Variants in ADAMTSL1 observed in about 807,000 individuals in gnomAD.
ADAMTSL1 encodes ADAMTS like 1.
Under a neutral mutation model 201.8 loss-of-function variants are expected in ADAMTSL1, and 126 were observed. That is an observed-to-expected ratio of 0.62 (90% CI 0.54 to 0.72). ADAMTSL1 has a LOEUF of 0.72. Among genes scored for constraint, ADAMTSL1 ranks in the 30% least tolerant of loss-of-function variants. The pLI is 0.00. For missense variants in ADAMTSL1, 2,679 were observed against 2,277.8 expected, an observed-to-expected ratio of 1.18 and a Z score of -3.59; for synonymous variants, 1,121 against 903.4, an observed-to-expected ratio of 1.24 and a Z score of -4.32.
intron 2 of ADAMTSL1, among the ~76,000 whole-genome samples, chr9:18,280,742 C>T (rs966010457): frequency 2.6e-5 from 4 of 152,240 alleles, no homozygotes; most frequent in Admixed American, 2.0e-4. Flanking sequence ...TGTCTTTTAA[C>T]CTTGTACCCT....
chr9:18,769,139 ATGT>A (rs781621278), intron 16 of ADAMTSL1, among the ~76,000 whole-genome samples: 6 of 152,292 alleles, frequency 3.9e-5, no homozygotes, highest in Admixed American at 1.3e-4. Context: ...GGCTGCAGCT[ATGT>A]TCTGACTGTA....
At chr9:18,306,000 C>G (rs1833894588) in intron 2 of ADAMTSL1, among the ~76,000 whole-genome samples, 1 of 152,120 alleles carries the variant, frequency 6.6e-6, no homozygotes, top group Non-Finnish European at 1.5e-5. Context: ...GACAAAGCTT[C>G]CAGAGGAAGG....
At chr9:18,785,277 T>C (rs1465022234) in intron 19 of ADAMTSL1, among the ~76,000 whole-genome samples, 1 of 152,222 alleles carries the variant, frequency 6.6e-6, no homozygotes, top group Non-Finnish European at 1.5e-5. Context: ...GCCACTGTTT[T>C]ATAAGAAGGC....
intron 19 of ADAMTSL1, among the ~76,000 whole-genome samples, chr9:18,782,806 G>C (rs950294720): frequency 6.6e-6 from 1 of 152,160 alleles, no homozygotes; most frequent in Non-Finnish European, 1.5e-5. Flanking sequence ...GAACACTCCT[G>C]GACAAGGGAA....
intron 1 of ADAMTSL1, among the ~76,000 whole-genome samples, chr9:18,483,828 G>GA (rs1395123288): frequency 2.0e-5 from 3 of 152,064 alleles, no homozygotes; most frequent in African/African-American, 4.8e-5. Context: ...CTCTGTCTCT[G>GA]AAAAAAACAA....
intron 23 of ADAMTSL1, among the ~76,000 whole-genome samples, chr9:18,832,369 G>T (rs576994143): frequency 1.3e-5 from 2 of 152,308 alleles, no homozygotes; most frequent in South Asian, 4.1e-4. Flanking sequence ...GTGTAGGGTT[G>T]CTGAGAAATT....
intron 1 of ADAMTSL1, among the ~76,000 whole-genome samples, chr9:18,010,895 C>G (rs1228875597): frequency 2.0e-5 from 3 of 151,926 alleles, no homozygotes; most frequent in Non-Finnish European, 4.4e-5. Context: ...TATATAGTTA[C>G]TTTGTGCACA....
rs113493465 is a variant in ADAMTSL1, at chr9:18,490,304, T to G, written c.64-14525T>G. Among the ~76,000 whole-genome samples, 935 of 149,632 alleles carry G rather than the reference T, an allele frequency of 6.2e-3. 11 individuals are homozygous for G. Among genetic ancestry groups the G allele is most frequent in the African/African-American group, 0.022 (877 of 40,486 alleles). Reference sequence around the variant, plus strand: ...AGGAAGCTACACAGCAGAAGCAGAATAGGTGGCAGAGGCAATTGATTGGAG... The same window carrying G: ...AGGAAGCTACACAGCAGAAGCAGAAGAGGTGGCAGAGGCAATTGATTGGAG... On this transcript the variant is annotated intron_variant, in intron 1 of 28. Coordinates refer to ENST00000380548, the MANE Select transcript of ADAMTSL1 (RefSeq NM_001040272.6).
chr9:17,982,141 C>T (rs1240435870), intron 1 of ADAMTSL1, among the ~76,000 whole-genome samples: 1 of 152,144 alleles, frequency 6.6e-6, no homozygotes, highest in Admixed American at 6.5e-5. Flanking sequence ...TAGTTTTCCT[C>T]GACATTTCCC....
At chr9:18,186,189 G>A (rs913723759) in intron 2 of ADAMTSL1, among the ~76,000 whole-genome samples, 1 of 152,160 alleles carries the variant, frequency 6.6e-6, no homozygotes, top group Non-Finnish European at 1.5e-5. Flanking sequence ...GATGGTTGTG[G>A]ACCATAGGCT....
chr9:18,658,833 A>C (rs1456154398), intron 8 of ADAMTSL1, among the ~76,000 whole-genome samples: 1 of 152,270 alleles, frequency 6.6e-6, no homozygotes, highest in African/African-American at 2.4e-5. Context: ...TAATACAATG[A>C]ATAACTTAAT....
chr9:18,648,575 C>T (rs1827977401), intron 7 of ADAMTSL1, among the ~76,000 whole-genome samples: 1 of 151,352 alleles, frequency 6.6e-6, no homozygotes, highest in Non-Finnish European at 1.5e-5. Context: ...TCTTTTAGGG[C>T]AGGCCTGGTG....
chr9:18,641,233 T>C (rs1262827532), intron 7 of ADAMTSL1, among the ~76,000 whole-genome samples: 1 of 152,090 alleles, frequency 6.6e-6, no homozygotes, highest in African/African-American at 2.4e-5. Context: ...AGGAGTATTC[T>C]TTGACTCTAC....
At chr9:18,700,372 C>G (rs2779126) in intron 13 of ADAMTSL1, among the ~76,000 whole-genome samples, 141,354 of 152,172 alleles carry the variant, frequency 0.93, 65,961 homozygotes, top group Middle Eastern at 0.99. Context: ...GAGATCTTCT[C>G]ATCTCATGTA....
chr9:18,889,341 A>C (rs1829094393), intron 24 of ADAMTSL1, among the ~76,000 whole-genome samples: 1 of 152,108 alleles, frequency 6.6e-6, no homozygotes, highest in African/African-American at 2.4e-5. Context: ...TGGTGAGGTG[A>C]GGTTCACTGT....
chr9:18,611,352 G>A (rs1012459961), intron 4 of ADAMTSL1, among the ~76,000 whole-genome samples: 1 of 152,162 alleles, frequency 6.6e-6, no homozygotes, highest in African/African-American at 2.4e-5. Context: ...GCAGGGGAGG[G>A]AGAAGACAGC....
intron 2 of ADAMTSL1, among the ~76,000 whole-genome samples, chr9:18,164,758 A>G (rs1827559161): frequency 6.6e-6 from 1 of 151,836 alleles, no homozygotes; most frequent in African/African-American, 2.4e-5. Flanking sequence ...TACCCCCAAA[A>G]CAAACATACA....
intron 1 of ADAMTSL1, among the ~76,000 whole-genome samples, chr9:18,054,310 T>C (rs1822073028): frequency 6.6e-6 from 1 of 152,242 alleles, no homozygotes; most frequent in Non-Finnish European, 1.5e-5. Context: ...TTACAGCTTT[T>C]CAATTTTTTC....
intron 5 of ADAMTSL1, among the ~76,000 whole-genome samples, chr9:18,626,878 C>CTTTCTTTCTTTCTTTCTTTCTGT (rs1461320087): frequency 3.3e-5 from 3 of 90,004 alleles, no homozygotes; most frequent in South Asian, 3.3e-4. Flanking sequence ...TGTCTTTCTT[C>CTTTCTTTCTTTCTTTCTTTCTGT]CTTCCTTCCT....
Sources: allele counts gnomAD v4.1 joint callset (sites outside exome capture counted in the v4.1 genomes callset), GRCh38; gene constraint gnomAD v4.1.1; transcripts MANE v1.5; gene names NCBI Gene and HGNC (gene_info 2026-07-23, HGNC 2026-07-21).